PCDH15: variants seen among roughly 807,000 people sequenced by gnomAD.
The protein encoded by PCDH15 is protocadherin related 15.
A neutral mutation model predicts 178.5 loss-of-function variants in PCDH15; 129 were observed. The ratio of observed to expected loss-of-function variants is 0.72; its 90% CI spans 0.63 to 0.84. PCDH15 has a LOEUF of 0.84. PCDH15 is among the 40% of genes least tolerant of loss of function. The pLI is 0.00. For synonymous variants in PCDH15, 800 were observed against 732.0 expected (o/e 1.09, Z -1.50); for missense variants, 2,230 against 2,099.9 (o/e 1.06, Z -1.21).
intron 13 of PCDH15, among the ~76,000 whole-genome samples, chr10:54,161,854 T>C (rs2045746270): frequency 1.3e-5 from 2 of 152,264 alleles, no homozygotes; most frequent in South Asian, 4.1e-4. Flanking sequence ...TTTTAATCAT[T>C]TGGGGAGATG....
chr10:55,441,103 A>T (rs956195946), intron 2 of PCDH15, among the ~76,000 whole-genome samples: 4 of 152,180 alleles, frequency 2.6e-5, no homozygotes, highest in Admixed American at 2.6e-4. Flanking sequence ...TTACTCTAAG[A>T]ATGTAATTCT....
rs1023003635 is a variant in PCDH15, at chr10:55,572,750, G to A, written c.-156+54875C>T. ...GTCTCTCTGTGAAGGTTTCATTTCA[G>A]CAGAGAGCTGAATGAAATCAAGGTA... On this transcript the variant is annotated intron_variant, in intron 2 of 5. Coordinates refer to the PCDH15 transcript ENST00000613346. Among the ~76,000 whole-genome samples, 6 of 152,052 alleles carry A rather than the reference G, an allele frequency of 3.9e-5. No homozygotes were observed. The East Asian group carries it at 7.7e-4, about 20-fold the overall frequency.
intron 2 of PCDH15, among the ~76,000 whole-genome samples, chr10:55,576,308 T>G (rs1474359357): frequency 6.6e-6 from 1 of 152,198 alleles, no homozygotes; most frequent in Non-Finnish European, 1.5e-5. Flanking sequence ...GATAATTAAG[T>G]GTAAGTGGAT....
chr10:55,330,272 G>A (rs7917273), intron 2 of PCDH15, among the ~76,000 whole-genome samples: 195 of 151,772 alleles, frequency 1.3e-3, no homozygotes, highest in African/African-American at 4.0e-3. Flanking sequence ...GCTTTTATTT[G>A]CCTAAGAAAC....
At chr10:54,160,421 C>A (rs1257984696) in intron 13 of PCDH15, among the ~76,000 whole-genome samples, 3 of 152,030 alleles carry the variant, frequency 2.0e-5, no homozygotes, top group African/African-American at 7.2e-5. Flanking sequence ...AAAATTAACT[C>A]AAAATGCATC....
intron 1 of PCDH15, among the ~76,000 whole-genome samples, chr10:55,236,812 TTAC>T (rs1841397398): frequency 6.6e-6 from 1 of 151,906 alleles, no homozygotes; most frequent in African/African-American, 2.4e-5. Flanking sequence ...TCATAGTGCA[TTAC>T]TATATGTTTT....
chr10:54,917,522 G>A (rs17512007), intron 2 of PCDH15, among the ~76,000 whole-genome samples: 37,500 of 152,032 alleles, frequency 0.25, 5,433 homozygotes, highest in Non-Finnish European at 0.33. Context: ...TTTATTGCCT[G>A]TGCTATGATT....
At chr10:54,240,353 A>C (rs2134437979) in intron 8 of PCDH15, among the ~76,000 whole-genome samples, 1 of 152,202 alleles carries the variant, frequency 6.6e-6, no homozygotes, top group African/African-American at 2.4e-5. Context: ...ATATAGTAGT[A>C]AAGTATCCAA....
At chr10:54,684,578 A>T (rs1449955674) in intron 1 of PCDH15, among the ~76,000 whole-genome samples, 1 of 152,066 alleles carries the variant, frequency 6.6e-6, no homozygotes, top group Non-Finnish European at 1.5e-5. Context: ...CTCTTGACAC[A>T]AGTTGAAGCT....
intron 1 of PCDH15, among the ~76,000 whole-genome samples, chr10:54,720,938 A>T (rs527775224): frequency 6.6e-6 from 1 of 152,174 alleles, no homozygotes; most frequent in Non-Finnish European, 1.5e-5. Flanking sequence ...CAGAAAATAC[A>T]TTATTTTATC....
At chr10:54,991,578 G>A (rs1269079196) in intron 2 of PCDH15, among the ~76,000 whole-genome samples, 2 of 152,026 alleles carry the variant, frequency 1.3e-5, no homozygotes, top group East Asian at 3.8e-4. Context: ...TGAGATTTCT[G>A]GTTTTTATCC....
chr10:53,822,418 CAGGAGGAGGAGCAAG>C, intron 32 of PCDH15: 3 of 1,579,642 alleles, frequency 1.9e-6, no homozygotes, highest in Non-Finnish European at 2.6e-6. Flanking sequence ...GGAGAAATGT[CAGGAGGAGGAGCAAG>C]AGGAGCAGGA....
chr10:53,811,414 ATTCATT>A (rs1398685928), intron 36 of PCDH15, 129 bp downstream of exon 36: 6 of 486,088 alleles, frequency 1.2e-5, no homozygotes, highest in South Asian at 4.5e-5. Context: ...TAGATATACT[ATTCATT>A]TTCAAGTATT....
At chr10:55,568,518 C>A (rs1842347511) in intron 2 of PCDH15, among the ~76,000 whole-genome samples, 2 of 151,164 alleles carry the variant, frequency 1.3e-5, no homozygotes, top group African/African-American at 2.4e-5. Context: ...TGTATTTTTA[C>A]CAAAATACAA....
intron 3 of PCDH15, among the ~76,000 whole-genome samples, chr10:54,494,990 C>A (rs1412408988): frequency 2.6e-5 from 4 of 152,088 alleles, no homozygotes; most frequent in Admixed American, 6.6e-5. Flanking sequence ...CTAAAGCAGC[C>A]ATTCTCTCCT....
intron 37 of PCDH15, chr10:53,809,673 A>C (rs2075796760): frequency 1.1e-6 from 1 of 908,962 alleles, no homozygotes; most frequent in African/African-American, 1.7e-5. Flanking sequence ...TAACTGGCTT[A>C]AGAAAATAAT....
At chr10:54,101,609 G>C (rs1179094932) in intron 15 of PCDH15, among the ~76,000 whole-genome samples, 1 of 152,104 alleles carries the variant, frequency 6.6e-6, no homozygotes, top group Non-Finnish European at 1.5e-5. Context: ...CAATGACAAA[G>C]TGAGGAGCTA....
At chr10:55,341,787 ATATATATATATATATATATT>A (rs1240458848) in intron 2 of PCDH15, among the ~76,000 whole-genome samples, 2 of 54,880 alleles carry the variant, frequency 3.6e-5, no homozygotes, top group Non-Finnish European at 3.2e-5. Flanking sequence ...ATATATATAT[ATATATATATATATATATATT>A]TTTTTTTTTT....
chr10:54,537,007 T>TTTTTC (rs1360350258), intron 2 of PCDH15, among the ~76,000 whole-genome samples: 1 of 141,648 alleles, frequency 7.1e-6, no homozygotes, highest in African/African-American at 2.6e-5. Flanking sequence ...CTTTTTTTTT[T>TTTTTC]TTTTTTTTTT....
Sources: allele counts gnomAD v4.1 joint callset (sites outside exome capture counted in the v4.1 genomes callset), GRCh38; gene constraint gnomAD v4.1.1; transcripts MANE v1.5; gene names NCBI Gene and HGNC (gene_info 2026-07-23, HGNC 2026-07-21).